Variants in UBASH3B observed in about 807,000 individuals in gnomAD.
The protein encoded by UBASH3B is ubiquitin associated and SH3 domain containing B.
Under a neutral mutation model 83.4 loss-of-function variants are expected in UBASH3B, and 37 were observed. The observed-to-expected ratio is 0.44, with a 90% CI of 0.34 to 0.58. UBASH3B has a LOEUF of 0.58. Ranked by LOEUF, UBASH3B falls within the 20% of genes least tolerant of loss-of-function variation. UBASH3B has a pLI of 0.01. For missense variants in UBASH3B, 657 were observed against 827.2 expected (o/e 0.79, Z 2.52); for synonymous variants, 304 against 318.3 (o/e 0.96, Z 0.48).
chr11:122,804,638 C>T (rs762748516), intron 11 of UBASH3B, among the ~76,000 whole-genome samples: 10 of 151,970 alleles, frequency 6.6e-5, no homozygotes, highest in African/African-American at 1.9e-4. Context: ...AGGATTAGAC[C>T]GAAGAAATGC....
At chr11:122,800,383 CAAAA>C (rs540359065) in intron 10 of UBASH3B, among the ~76,000 whole-genome samples, 5 of 76,668 alleles carry the variant, frequency 6.5e-5, no homozygotes, top group Admixed American at 2.8e-4. Flanking sequence ...ACTAAAAATA[CAAAA>C]AAAAAAAAAA....
At position 122,777,207 on chromosome 11, in the gene UBASH3B, T is replaced by C; in HGVS notation, c.399T>C (p.Phe133=). The change falls in exon 3 of 14, where the codon TTT becomes TTC. Residue 133 remains phenylalanine, a synonymous_variant. Transcript: ENST00000284273. ...CCCACATCACACTCTGCCAGTTCTT[T>C]ATGGTGAGCGGCAGCGCCCCCACCC... The part of the protein sequence containing the change: ...IFPHITLCQF[F]MCEDSKVDAL... The C allele has an allele frequency of 6.2e-7, 1 of 1,610,494 alleles. No homozygotes were observed.
intron 1 of UBASH3B, among the ~76,000 whole-genome samples, chr11:122,766,125 G>A (rs1860531242): frequency 1.3e-5 from 2 of 152,202 alleles, no homozygotes; most frequent in African/African-American, 4.8e-5. Context: ...GGAATGAGTT[G>A]AGGGAGAAGC....
intron 10 of UBASH3B, among the ~76,000 whole-genome samples, chr11:122,800,846 A>G (rs1861245982): frequency 6.6e-6 from 1 of 152,034 alleles, no homozygotes; most frequent in Non-Finnish European, 1.5e-5. Context: ...GACTCAAGTA[A>G]TCTGCCCTCC....
At chr11:122,699,531 CTCTTTCTTTCTTTCTT>C (rs60346108) in intron 1 of UBASH3B, among the ~76,000 whole-genome samples, 206 of 107,928 alleles carry the variant, frequency 1.9e-3, no homozygotes, top group Middle Eastern at 5.0e-3. Flanking sequence ...TTCTTTCTTT[CTCTTTCTTTCTTTCTT>C]TCTTTCTTTC....
At chr11:122,796,837 T>C in intron 8 of UBASH3B, 74 bp from the exon 9 acceptor site, 1 of 1,602,212 alleles carries the variant, frequency 6.2e-7, no homozygotes, top group East Asian at 2.2e-5. Context: ...GGGTGGAGAG[T>C]GTCAGGATCA....
Position 122,806,903 on chromosome 11 carries a change from CACCA to C in UBASH3B, c.1702+393_1702+396del, listed in dbSNP as rs1462511421. Among the ~76,000 whole-genome samples, 2 of 152,190 alleles carry C rather than the reference CACCA, an allele frequency of 1.3e-5. No individual in the cohort carries two copies. Among genetic ancestry groups the C allele is most frequent in the African/African-American group, 2.4e-5 (1 of 41,442 alleles). ...CAAACACATACACCTTCCCTGCTAT[CACCA>C]ACCAAGAGCAGTGTTGTATAAGGCT... On this transcript the variant is annotated intron_variant, in intron 12 of 13. Coordinates refer to ENST00000284273, the MANE Select transcript of UBASH3B (RefSeq NM_032873.5). The surrounding 1 kb of genome is among the most constrained non-coding windows in gnomAD (Gnocchi z 4.0).
chr11:122,807,925 G>C, intron 12 of UBASH3B, 142 bp from the exon 13 acceptor site: 1 of 700,680 alleles, frequency 1.4e-6, no homozygotes, highest in South Asian at 1.6e-5. Flanking sequence ...CAGTAACAAA[G>C]CACTTTCAAA....
intron 4 of UBASH3B, among the ~76,000 whole-genome samples, chr11:122,781,192 C>T (rs928193565): frequency 6.6e-6 from 1 of 151,772 alleles, no homozygotes; most frequent in Non-Finnish European, 1.5e-5. Context: ...TCTTCCTCTC[C>T]CTCAGCGACG....
chr11:122,688,586 A>G (rs1346515918), intron 1 of UBASH3B, among the ~76,000 whole-genome samples: 1 of 143,762 alleles, frequency 7.0e-6, no homozygotes, highest in East Asian at 2.0e-4. Flanking sequence ...AGCTGGGACT[A>G]CAGACGCCCG....
At chr11:122,785,472 A>AG (rs1443449907) in intron 5 of UBASH3B, among the ~76,000 whole-genome samples, 3 of 152,338 alleles carry the variant, frequency 2.0e-5, no homozygotes, top group African/African-American at 7.2e-5. Context: ...CGTGATGCTT[A>AG]GGAAAACTCC....
Position 122,796,067 on chromosome 11 carries a change from TA to T in UBASH3B, c.1114-88del, listed in dbSNP as rs1484925442. ...AAGTCATACCTTGGCAGAACTTTGG[TA>T]GTAGAGCTCAGCTCACCTGGCACCT... On this transcript the variant is annotated intron_variant, in intron 7 of 13. Coordinates refer to ENST00000284273, the MANE Select transcript of UBASH3B (RefSeq NM_032873.5). The T allele has an allele frequency of 3.9e-6, 6 of 1,550,168 alleles. No individual in the cohort carries two copies. The African/African-American group carries it at 6.8e-5, about 17-fold the overall frequency.
At chr11:122,777,833 G>A (rs763222577) in intron 3 of UBASH3B, among the ~76,000 whole-genome samples, 39 of 152,072 alleles carry the variant, frequency 2.6e-4, no homozygotes, top group African/African-American at 8.7e-4. Context: ...GAATTCAAGC[G>A]ATTCTCCTGC....
At chr11:122,705,480 G>GA (rs1233005089) in intron 1 of UBASH3B, among the ~76,000 whole-genome samples, 1 of 148,746 alleles carries the variant, frequency 6.7e-6, no homozygotes, top group Non-Finnish European at 1.5e-5. Context: ...AAGAAAAAAA[G>GA]AAAAAAATCT....
intron 1 of UBASH3B, among the ~76,000 whole-genome samples, chr11:122,703,358 C>T (rs548269464): frequency 9.2e-5 from 14 of 151,704 alleles, no homozygotes; most frequent in Non-Finnish European, 2.1e-4. Flanking sequence ...ACCCAGGAGG[C>T]GGAGGTTGCA....
chr11:122,725,094 C>G (rs1178274558), intron 1 of UBASH3B, among the ~76,000 whole-genome samples: 1 of 143,904 alleles, frequency 6.9e-6, no homozygotes, highest in Non-Finnish European at 1.5e-5. Context: ...CTCAGCCTCT[C>G]GAGTAGCCAG....
intron 1 of UBASH3B, among the ~76,000 whole-genome samples, chr11:122,684,099 GA>G: frequency 1.3e-5 from 2 of 152,128 alleles, no homozygotes; most frequent in Non-Finnish European, 2.9e-5. Context: ...CATTCTTATA[GA>G]AAAAAATGGG....
intron 1 of UBASH3B, among the ~76,000 whole-genome samples, chr11:122,743,566 A>T (rs1394232228): frequency 6.6e-6 from 1 of 152,046 alleles, no homozygotes; most frequent in Non-Finnish European, 1.5e-5. Flanking sequence ...CAGCTTCCTC[A>T]TCTGTAAAAT....
chr11:122,706,473 T>G (rs1253163002), intron 1 of UBASH3B, among the ~76,000 whole-genome samples: 1 of 152,206 alleles, frequency 6.6e-6, no homozygotes, highest in African/African-American at 2.4e-5. Flanking sequence ...ATAGCTTTGT[T>G]GCTAACAACT....
Sources: allele counts gnomAD v4.1 joint callset (sites outside exome capture counted in the v4.1 genomes callset), GRCh38; gene constraint gnomAD v4.1.1; non-coding constraint Gnocchi (gnomAD v3.1); transcripts MANE v1.5; gene names NCBI Gene and HGNC (gene_info 2026-07-23, HGNC 2026-07-21).